The following KCNMA1 variants were observed in gnomAD, a reference collection of about 807,000 sequenced individuals.
The protein encoded by KCNMA1 is potassium calcium-activated channel subfamily M alpha 1.
In KCNMA1, 29 loss-of-function variants were observed where a neutral mutation model predicts 140.0. That is an observed-to-expected ratio of 0.21 (90% confidence interval 0.15 to 0.28). KCNMA1 has a LOEUF of 0.28. Among genes scored for constraint, KCNMA1 ranks in the 10% least tolerant of loss-of-function variants. The pLI, the probability that KCNMA1 is intolerant of heterozygous loss-of-function variation, is 1.00. For missense variants in KCNMA1, 880 were observed against 1,602.2 expected (o/e 0.55, Z 7.70); for synonymous variants, 612 against 611.9 (o/e 1.00, Z 0.00).
At chr10:76,914,912 C>G in intron 24 of KCNMA1, 24 bp downstream of exon 24, 2 of 1,529,570 alleles carry the variant, frequency 1.3e-6, no homozygotes, top group Non-Finnish European at 1.8e-6. Flanking sequence ...AAAAACTCCC[C>G]CCAAAGCTGA....
chr10:77,320,611 G>A (rs502308), intron 2 of KCNMA1, among the ~76,000 whole-genome samples: 24,990 of 152,110 alleles, frequency 0.16, 2,712 homozygotes, highest in Admixed American at 0.24. Flanking sequence ...ATGCACACAG[G>A]TATGTATTCC....
intron 24 of KCNMA1, 23 bp from the exon 25 acceptor site, chr10:76,910,119 A>G (rs1230458128): frequency 6.2e-7 from 1 of 1,612,982 alleles, no homozygotes; most frequent in South Asian, 1.1e-5. Flanking sequence ...TAAAATAAGA[A>G]TTAGCTCTGA....
intron 2 of KCNMA1, among the ~76,000 whole-genome samples, chr10:77,348,909 C>T (rs568412186): frequency 6.6e-6 from 1 of 152,256 alleles, no homozygotes; most frequent in African/African-American, 2.4e-5. Flanking sequence ...CCCTCTCTCT[C>T]TCACACTCTT....
intron 1 of KCNMA1, among the ~76,000 whole-genome samples, chr10:77,463,989 C>G (rs1052351314): frequency 2.0e-5 from 3 of 152,156 alleles, no homozygotes; most frequent in African/African-American, 4.8e-5. Context: ...CACCAGGGCT[C>G]TCATCAGAAA....
At chr10:77,138,955 C>T (rs1307373410) in intron 5 of KCNMA1, among the ~76,000 whole-genome samples, 2 of 152,220 alleles carry the variant, frequency 1.3e-5, no homozygotes, top group African/African-American at 4.8e-5. Flanking sequence ...GGGTTTACCA[C>T]AATCTAAAAT....
At chr10:77,218,985 C>G (rs1330074957) in intron 3 of KCNMA1, among the ~76,000 whole-genome samples, 2 of 152,108 alleles carry the variant, frequency 1.3e-5, no homozygotes, top group African/African-American at 4.8e-5. Flanking sequence ...CTGCGCCTGG[C>G]CTTATTTTTT....
intron 1 of KCNMA1, among the ~76,000 whole-genome samples, chr10:77,481,218 T>G (rs184032640): frequency 6.6e-6 from 1 of 152,254 alleles, no homozygotes. Flanking sequence ...GAAAGCATAT[T>G]TCCCTTAAGG....
chr10:77,410,833 C>A (rs574175864), intron 1 of KCNMA1, among the ~76,000 whole-genome samples: 1 of 152,240 alleles, frequency 6.6e-6, no homozygotes, highest in African/African-American at 2.4e-5. Context: ...TCATTTCTCT[C>A]GAGCTTTGGT....
At chr10:77,477,821 C>CATAT (rs1679825207) in intron 1 of KCNMA1, among the ~76,000 whole-genome samples, 1 of 152,230 alleles carries the variant, frequency 6.6e-6, no homozygotes, top group Non-Finnish European at 1.5e-5. Context: ...AAGCCTAAGA[C>CATAT]ATATGCCCAG....
At chr10:77,168,449 C>T (rs2098667549) in intron 5 of KCNMA1, among the ~76,000 whole-genome samples, 1 of 152,142 alleles carries the variant, frequency 6.6e-6, no homozygotes, top group Admixed American at 6.5e-5. Flanking sequence ...CACACCTAGG[C>T]TATATGGTAT....
intron 20 of KCNMA1, among the ~76,000 whole-genome samples, chr10:76,960,999 C>A (rs574764036): frequency 1.3e-5 from 2 of 152,042 alleles, no homozygotes; most frequent in African/African-American, 4.8e-5. Flanking sequence ...GCTAGAACAA[C>A]TACCATTCTG....
chr10:77,113,319 T>G (rs560319050), intron 6 of KCNMA1, among the ~76,000 whole-genome samples: 1 of 152,358 alleles, frequency 6.6e-6, no homozygotes, highest in Non-Finnish European at 1.5e-5. Flanking sequence ...CGGCATGGGC[T>G]ATAGTTTGCC....
At position 77,448,440 on chromosome 10, in the gene KCNMA1, C is replaced by T. The variant is rs542816192; in HGVS notation, c.379-44417G>A. ...AATTGTCACAGTGCCTGCCACCGGCCAGGCCTCTGCACACATTCACTTTTT... is the reference window on the plus strand; with the variant it reads ...AATTGTCACAGTGCCTGCCACCGGCTAGGCCTCTGCACACATTCACTTTTT... On this transcript the variant is annotated intron_variant, in intron 1 of 27. Transcript: ENST00000286628. Among the ~76,000 whole-genome samples the T allele has an allele frequency of 3.5e-4, 54 of 152,320 alleles. 1 individual carries two copies. The South Asian group carries it at 8.7e-3, about 25-fold the overall frequency.
rs1425923032 is a variant in KCNMA1 at position 77,149,342 on chromosome 10, C to T, written c.809-28294G>A. Among the ~76,000 whole-genome samples the T allele has an allele frequency of 2.0e-5, 3 of 152,242 alleles. No homozygotes were observed. In the East Asian group the frequency reaches 5.8e-4, roughly 29 times the overall value. On this transcript the variant is annotated intron_variant, in intron 5 of 27. Transcript: ENST00000286628. ...CGATGTCATGGGCATAAACTAATTT[C>T]TTCCAATCCAAAACAAGTTAGCAAG...
chr10:76,922,840 C>G (rs774032822), intron 23 of KCNMA1, among the ~76,000 whole-genome samples: 29 of 152,204 alleles, frequency 1.9e-4, no homozygotes, highest in Non-Finnish European at 2.9e-4. Flanking sequence ...AGTACAACAA[C>G]TGAGAAAAAT....
At chr10:77,594,534 T>C (rs2080210183) in intron 1 of KCNMA1, among the ~76,000 whole-genome samples, 1 of 152,180 alleles carries the variant, frequency 6.6e-6, no homozygotes, top group African/African-American at 2.4e-5. Context: ...CTTATCTCCC[T>C]AGACCTCAGT....
chr10:77,019,652 A>G (rs932459287), intron 16 of KCNMA1: 1 of 153,382 alleles, frequency 6.5e-6, no homozygotes, highest in African/African-American at 2.4e-5. Context: ...TGATAAGGAC[A>G]TGGAAATTGA....
intron 1 of KCNMA1, among the ~76,000 whole-genome samples, chr10:77,601,391 T>G (rs1296993425): frequency 6.6e-6 from 1 of 152,192 alleles, no homozygotes; most frequent in African/African-American, 2.4e-5. Context: ...CCCAAATGTG[T>G]GCCATTGACT....
At chr10:77,199,653 C>T (rs543271223) in intron 3 of KCNMA1, among the ~76,000 whole-genome samples, 3 of 152,244 alleles carry the variant, frequency 2.0e-5, no homozygotes, top group East Asian at 3.9e-4. Flanking sequence ...AGCAGAAGAT[C>T]GCCTCTGCCT....
Sources: allele counts gnomAD v4.1 joint callset (sites outside exome capture counted in the v4.1 genomes callset), GRCh38; gene constraint gnomAD v4.1.1; transcripts MANE v1.5; gene names NCBI Gene and HGNC (gene_info 2026-07-23, HGNC 2026-07-21).